The following DDHD2 variants were observed in gnomAD, a reference collection of about 807,000 sequenced individuals.
The protein encoded by DDHD2 is DDHD domain containing 2.
DDHD2 carries 62 observed loss-of-function variants against 91.2 expected under a neutral mutation model. That is an observed-to-expected ratio of 0.68 (90% CI 0.55 to 0.84). The LOEUF is 0.84. Ranked by LOEUF, DDHD2 falls within the 40% of genes least tolerant of loss-of-function variation. DDHD2 has a pLI of 0.00. For synonymous variants in DDHD2, 271 were observed against 293.9 expected, an observed-to-expected ratio of 0.92 and a Z score of 0.80; for missense variants, 740 against 846.9, an observed-to-expected ratio of 0.87 and a Z score of 1.57.
chr8:38,241,015 G>T (rs939612988), intron 6 of DDHD2, among the ~76,000 whole-genome samples: 3 of 149,634 alleles, frequency 2.0e-5, no homozygotes, highest in Non-Finnish European at 4.4e-5. Flanking sequence ...AGGTTGCAGT[G>T]AGCCGAGATC....
intron 7 of DDHD2, 87 bp from the exon 8 acceptor site, chr8:38,245,655 A>T: frequency 8.4e-7 from 1 of 1,196,060 alleles, no homozygotes; most frequent in Non-Finnish European, 1.2e-6. Context: ...TGTTTGTTAT[A>T]AAATGTTTAA....
In DDHD2 at chr8:38,252,288, G is replaced by A. The variant is rs377024163; in HGVS notation, c.1617+1G>A. The A allele has an allele frequency of 1.2e-6, 2 of 1,610,182 alleles. No individual in the cohort carries two copies. The highest frequency in any genetic ancestry group is 2.7e-5 in the African/African-American group (2 of 74,728). On this transcript the variant is annotated splice_donor_variant, in intron 13 of 17. Transcript: ENST00000397166. LOFTEE classifies it high-confidence loss of function. ...AGGTTTCTTCAATATTTATCACCCT[G>A]TAAGCATTGTACAGCTATTGTGGTT... is the stretch of plus-strand genomic sequence containing the variant.
chr8:38,238,374 T>C (rs1804972850), intron 5 of DDHD2, 165 bp downstream of exon 5: 1 of 1,404,176 alleles, frequency 7.1e-7, no homozygotes, highest in Admixed American at 3.1e-5. Context: ...ACTAAGAATC[T>C]TAATAGATGT....
chr8:38,268,849 G>T, intron 1 of DDHD2: 2 of 1,520,476 alleles, frequency 1.3e-6, no homozygotes, highest in Non-Finnish European at 1.8e-6. Context: ...CCGGGTCATG[G>T]GGAGGGAGGA....
In DDHD2 at chr8:38,245,784, G is replaced by A. The variant is rs369986054; in HGVS notation, c.891G>A (p.Arg297=). The part of the protein sequence containing the change: ...RITLPSINRL[R]HFTNDTILDV... Reference sequence around the variant, plus strand: ...CCCTGCCCAGCATTAACCGCCTCAGGCACTTCACCAATGACACAATTCTGG... The same window carrying A: ...CCCTGCCCAGCATTAACCGCCTCAGACACTTCACCAATGACACAATTCTGG... Residue 297 remains arginine, a synonymous_variant, in exon 8 of 18, where the codon AGG becomes AGA. Transcript: ENST00000397166. 2 of 1,614,100 alleles carry A rather than the reference G, an allele frequency of 1.2e-6. No individual in the cohort carries two copies. The highest frequency in any genetic ancestry group is 1.7e-6 in the Non-Finnish European group (2 of 1,180,024).
rs113981683 is a variant in DDHD2, at chr8:38,253,196, G to GTTAAT, written c.1891+82_1891+86dup. ...ATGCCATGGTGTGGCGTTTTTCATA[G>GTTAAT]TTAATTTAATTTAATTTCACATTTA... On this transcript the variant is annotated intron_variant, in intron 15 of 17. Coordinates refer to ENST00000397166, the MANE Select transcript of DDHD2 (RefSeq NM_015214.3). The GTTAAT allele has an allele frequency of 6.1e-5, 86 of 1,402,770 alleles. No individual in the cohort carries two copies. In the African/African-American group the frequency reaches 1.1e-3, roughly 18 times the overall value. 86.9% of individuals were successfully genotyped at this position (1,402,770 alleles called of 1,614,324 possible). A position where few individuals can be genotyped will look rare whatever the true frequency, so the allele number is the denominator to read the frequency against.
At chr8:38,263,677 A>G, downstream of DDHD2, 6 of 985,392 alleles carry the variant, frequency 6.1e-6, no homozygotes, top group Non-Finnish European at 7.2e-6. Flanking sequence ...TGGAATTGTC[A>G]TCAGAGAAGG....
chr8:38,233,667 A>C (rs1804469005), intron 2 of DDHD2, among the ~76,000 whole-genome samples: 1 of 151,758 alleles, frequency 6.6e-6, no homozygotes, highest in African/African-American at 2.4e-5. Flanking sequence ...AGTGGCTCAC[A>C]CCTGTAATCC....
chr8:38,267,995 C>T (rs768720267), intron 1 of DDHD2: 2 of 1,613,718 alleles, frequency 1.2e-6, no homozygotes, highest in South Asian at 2.2e-5. Flanking sequence ...AAGGATCTGT[C>T]TAGGAGGAAA....
intron 11 of DDHD2, 162 bp downstream of exon 11, chr8:38,249,965 G>A (rs1466393055): frequency 1.2e-5 from 5 of 416,028 alleles, no homozygotes; most frequent in Non-Finnish European, 2.2e-5. Context: ...CACTCAGGCT[G>A]GAGTGCAGTG....
intron 1 of DDHD2, chr8:38,268,411 G>C: frequency 6.3e-7 from 1 of 1,577,484 alleles, no homozygotes; most frequent in South Asian, 1.2e-5. Flanking sequence ...CTGCCTTCTT[G>C]AGAAATTTGG....
intron 13 of DDHD2, 107 bp from the exon 14 acceptor site, chr8:38,252,615 C>G: frequency 1.1e-5 from 9 of 789,068 alleles, no homozygotes; most frequent in Non-Finnish European, 1.8e-5. Flanking sequence ...GCACTCCAGC[C>G]TGGGTGACAG....
At chr8:38,269,362 A>T (rs1016487739) in intron 1 of DDHD2, 1 of 722,404 alleles carries the variant, frequency 1.4e-6, no homozygotes, top group Non-Finnish European at 2.0e-6. Context: ...GGCAAAGGGT[A>T]CGCAAAGCCA....
Position 38,246,259 on chromosome 8 carries a change from A to T in DDHD2, c.1084A>T (p.Thr362Ser), listed in dbSNP as rs1384341755. ...LGSLILFDIL[T>S]NQKDSLGDID... Reference sequence around the variant, plus strand: ...TTCGCTTATATTGTTTGATATCCTAACAAATCAGAAAGATTCTTTGGGGGA... The same window carrying T: ...TTCGCTTATATTGTTTGATATCCTATCAAATCAGAAAGATTCTTTGGGGGA... The change falls in exon 9 of 18, where the codon ACA (threonine) becomes TCA (serine). Residue 362 changes from threonine (T) to serine (S), a missense_variant. Transcript: ENST00000397166. The T allele has an allele frequency of 6.2e-7, 1 of 1,609,404 alleles. No individual in the cohort carries two copies. The highest frequency in any genetic ancestry group is 8.5e-7 in the Non-Finnish European group (1 of 1,176,572).
chr8:38,249,728 T>G lies in DDHD2; in HGVS notation c.1269T>G (p.Asp423Glu), dbSNP rs772259188. 6.2e-7 allele frequency: 1 copy of G among 1,611,276 alleles called. No individual in the cohort carries two copies. Among genetic ancestry groups the G allele is most frequent in the Admixed American group, 1.7e-5 (1 of 59,844 alleles). ...KEALALCTDR[D>E]LQEIGIPLGP... ...CCTAGGCTTTATGTACAGACCGAGA[T>G]CTTCAGGAAATAGGAATTCCTTTAG... is the stretch of plus-strand genomic sequence containing the variant. Residue 423 changes from aspartate (D) to glutamate (E), a missense_variant, in exon 11 of 18, where the codon GAT (aspartate) becomes GAG (glutamate). Physicochemically the swap from Asp to Glu is conservative, Grantham distance 45. Transcript: ENST00000397166.
intron 1 of DDHD2, chr8:38,268,971 G>A: frequency 1.3e-6 from 2 of 1,570,218 alleles, no homozygotes; most frequent in South Asian, 2.3e-5. Context: ...CTCTGGAACG[G>A]GGGGAGCAGC....
At chr8:38,246,068 C>T in intron 8 of DDHD2, 118 bp downstream of exon 8, 1 of 1,241,216 alleles carries the variant, frequency 8.1e-7, no homozygotes, top group South Asian at 1.3e-5. Flanking sequence ...GGTCTGTGGT[C>T]AGGAAATTTG....
chr8:38,259,269 C>T (rs2130884096), intron 16 of DDHD2, among the ~76,000 whole-genome samples: 1 of 151,210 alleles, frequency 6.6e-6, no homozygotes, highest in Non-Finnish European at 1.5e-5. Context: ...GGCTGAAGTG[C>T]AGTGACACTC....
chr8:38,267,348 C>T (rs1019034691), downstream of DDHD2: 1 of 1,613,902 alleles, frequency 6.2e-7, no homozygotes, highest in Non-Finnish European at 8.5e-7. Flanking sequence ...TCAGAATGGG[C>T]TAGCCCATCA....
Sources: gnomAD v4.1 joint callset for allele counts (sites outside exome capture counted in the v4.1 genomes callset) on GRCh38, gnomAD v4.1.1 for gene constraint, MANE v1.5 for transcripts, NCBI Gene and HGNC (gene_info 2026-07-23, HGNC 2026-07-21) for gene names.